COLEC10: variants seen among roughly 807,000 people sequenced by gnomAD.
COLEC10 encodes collectin-10.
Under a neutral mutation model 28.4 loss-of-function variants are expected in COLEC10, and 22 were observed. That is an observed-to-expected ratio of 0.78 (90% CI 0.55 to 1.11). The LOEUF (loss-of-function observed/expected upper bound fraction) is 1.11, where lower values mean the gene tolerates loss of function less well. Among genes scored for constraint, COLEC10 ranks in the 50% least tolerant of loss-of-function variants. The pLI is 0.00. For missense variants in COLEC10, 361 were observed against 344.1 expected (o/e 1.05, Z -0.39); for synonymous variants, 125 against 116.1 (o/e 1.08, Z -0.49).
At chr8:119,039,802 C>T (rs573881442) in intron 2 of COLEC10, among the ~76,000 whole-genome samples, 1 of 152,120 alleles carries the variant, frequency 6.6e-6, no homozygotes, top group Admixed American at 6.5e-5. Context: ...TCTCATGGTG[C>T]CATCTTTCTC....
Position 119,049,401 on chromosome 8 carries a change from C to CTTTTTTTTT in COLEC10, n.235+39871_235+39879dup, listed in dbSNP as rs34885340. Among the ~76,000 whole-genome samples, 163 of 60,084 alleles carry CTTTTTTTTT rather than the reference C, an allele frequency of 2.7e-3. 18 individuals are homozygous for CTTTTTTTTT. Among genetic ancestry groups the CTTTTTTTTT allele is most frequent in the Admixed American group, 3.6e-3 (15 of 4,210 alleles). The allele number at this position is 60,084 out of a possible 152,430, so 39.4% of individuals were successfully genotyped here. A position where few individuals can be genotyped will look rare whatever the true frequency, so the allele number is the denominator to read the frequency against. ...TGATGAAGCATAGGTATTTTCTTTT[C>CTTTTTTTTT]TTTTTTTTTTTTTTTTTTTTTTTTT... On this transcript the variant is annotated intron_variant and non_coding_transcript_variant, in intron 2 of 6. Coordinates refer to the COLEC10 transcript ENST00000521788.
intron 1 of COLEC10, among the ~76,000 whole-genome samples, chr8:119,077,292 T>C (rs1035941927): frequency 7.9e-6 from 1 of 126,204 alleles, no homozygotes; most frequent in Non-Finnish European, 1.6e-5. Flanking sequence ...TGGGAGACAA[T>C]ACCATGTTGG....
At chr8:118,956,801 C>T in the COLEC10 span, among the ~76,000 whole-genome samples, 45 of 152,242 alleles carry the variant, frequency 3.0e-4, no homozygotes, top group East Asian at 8.5e-3. Flanking sequence ...TCCCCACTTC[C>T]CTGATGCCCA....
At chr8:119,089,591 G>A (rs982098578) in intron 1 of COLEC10, 89 bp from the exon 2 acceptor site, 60 of 1,034,072 alleles carry the variant, frequency 5.8e-5, no homozygotes, top group Admixed American at 1.3e-4. Flanking sequence ...CTGAGGGAAA[G>A]ATTGTAACCA....
chr8:119,088,563 G>T (rs1418266635), intron 1 of COLEC10, among the ~76,000 whole-genome samples: 1 of 152,166 alleles, frequency 6.6e-6, no homozygotes, highest in Admixed American at 6.5e-5. Context: ...CTCATCCCAA[G>T]AACTTCATTT....
At chr8:119,009,178 C>T (rs1188661255) in intron 1 of COLEC10, among the ~76,000 whole-genome samples, 2 of 150,840 alleles carry the variant, frequency 1.3e-5, no homozygotes, top group African/African-American at 5.0e-5. Context: ...CTATGTATAT[C>T]ACCTCCCCTT....
rs758132833 is a variant in COLEC10 at position 119,105,794 on chromosome 8, C to A, written c.443-6C>A. 3.1e-6 allele frequency: 5 copies of A among 1,603,904 alleles called. No homozygotes were observed. The African/African-American group carries it at 4.0e-5, about 13-fold the overall frequency. On this transcript the variant is annotated splice_region_variant and splice_polypyrimidine_tract_variant and intron_variant, in intron 5 of 5. Transcript: ENST00000332843. Reference sequence around the variant, plus strand: ...CGTAATGATACTCCTTTTTCTCTCCCTGCAGTGATAGCAGGGATTAGGGAA... The same window carrying A: ...CGTAATGATACTCCTTTTTCTCTCCATGCAGTGATAGCAGGGATTAGGGAA...
At chr8:118,977,692 T>C in the COLEC10 span, among the ~76,000 whole-genome samples, 1 of 148,566 alleles carries the variant, frequency 6.7e-6, no homozygotes, top group Non-Finnish European at 1.5e-5. Context: ...ATGGCACATG[T>C]ATACATATGT....
At chr8:118,983,979 A>G in the COLEC10 span, among the ~76,000 whole-genome samples, 2 of 150,894 alleles carry the variant, frequency 1.3e-5, no homozygotes, top group South Asian at 2.1e-4. Context: ...TAATCCCATT[A>G]CTGGGTATAT....
At chr8:118,954,308 C>T in the COLEC10 span, among the ~76,000 whole-genome samples, 2 of 152,190 alleles carry the variant, frequency 1.3e-5, no homozygotes, top group Admixed American at 6.5e-5. Flanking sequence ...CACTCACTGA[C>T]AGAAAACTGA....
intron 2 of COLEC10, among the ~76,000 whole-genome samples, chr8:119,037,886 T>C (rs527457322): frequency 6.6e-6 from 1 of 152,356 alleles, no homozygotes; most frequent in East Asian, 1.9e-4. Flanking sequence ...TACTTTTTTC[T>C]TGAATGATTA....
At chr8:118,988,479 A>G in the COLEC10 span, among the ~76,000 whole-genome samples, 1 of 152,132 alleles carries the variant, frequency 6.6e-6, no homozygotes, top group Non-Finnish European at 1.5e-5. Context: ...GAAAGACATC[A>G]TCAACAGGAG....
At chr8:119,045,172 T>C (rs1352015088) in intron 2 of COLEC10, among the ~76,000 whole-genome samples, 1 of 152,174 alleles carries the variant, frequency 6.6e-6, no homozygotes, top group Non-Finnish European at 1.5e-5. Flanking sequence ...AATTATCTCC[T>C]CCTGGGATTG....
At chr8:119,057,978 G>A (rs1814791877) in intron 2 of COLEC10, among the ~76,000 whole-genome samples, 1 of 151,892 alleles carries the variant, frequency 6.6e-6, no homozygotes, top group Non-Finnish European at 1.5e-5. Flanking sequence ...GAAAAATTTA[G>A]TTGTATCTAT....
intron 1 of COLEC10, among the ~76,000 whole-genome samples, chr8:119,084,834 TTTAA>T (rs1305579197): frequency 2.0e-5 from 3 of 152,218 alleles, no homozygotes; most frequent in African/African-American, 7.2e-5. Flanking sequence ...GGTTTTTATC[TTTAA>T]TTATGTGAAA....
chr8:119,091,135 T>C lies in COLEC10; in HGVS notation c.221-14T>C. 2 of 1,606,172 alleles carry C rather than the reference T, an allele frequency of 1.2e-6. No individual in the cohort carries two copies. Among genetic ancestry groups the C allele is most frequent in the Non-Finnish European group, 1.7e-6 (2 of 1,173,210 alleles). On this transcript the variant is annotated splice_polypyrimidine_tract_variant and intron_variant, in intron 2 of 5. Transcript: ENST00000332843. ...AAAACCTTATGATAAAAAGATAACA[T>C]GTTTGCTTTTCAGGAATTAAAGGAG... is the stretch of plus-strand genomic sequence containing the variant.
the COLEC10 span, among the ~76,000 whole-genome samples, chr8:118,964,623 C>T: frequency 6.6e-6 from 1 of 152,040 alleles, no homozygotes; most frequent in African/African-American, 2.4e-5. Flanking sequence ...AAAGATATGA[C>T]CTGTTTATTT....
intron 1 of COLEC10, among the ~76,000 whole-genome samples, chr8:119,072,525 A>T (rs1815145017): frequency 6.6e-6 from 1 of 152,210 alleles, no homozygotes; most frequent in African/African-American, 2.4e-5. Context: ...TCACTAGCTC[A>T]AGGCCACAGA....
At chr8:119,076,729 T>C (rs1040107461) in intron 1 of COLEC10, among the ~76,000 whole-genome samples, 8 of 152,236 alleles carry the variant, frequency 5.3e-5, no homozygotes, top group African/African-American at 1.9e-4. Context: ...CTGCCTGGCC[T>C]GAAATGAAAC....
Sources: allele counts gnomAD v4.1 joint callset (sites outside exome capture counted in the v4.1 genomes callset), GRCh38; gene constraint gnomAD v4.1.1; transcripts MANE v1.5; gene names NCBI Gene and HGNC (gene_info 2026-07-23, HGNC 2026-07-21).